Variants in BBX observed in about 807,000 individuals in gnomAD.
The protein encoded by BBX is BBX high mobility group box domain containing.
In BBX, 30 loss-of-function variants were observed where a neutral mutation model predicts 100.2. The ratio of observed to expected loss-of-function variants is 0.30; its 90% CI spans 0.22 to 0.41. The LOEUF is 0.41. Among genes scored for constraint, BBX ranks in the 10% least tolerant of loss-of-function variants. BBX has a pLI of 1.00. For missense variants in BBX, 1,023 were observed against 1,129.8 expected (o/e 0.91, Z 1.35); for synonymous variants, 376 against 388.1 (o/e 0.97, Z 0.37).
chr3:107,544,697 C>T (rs547980064), intron 2 of BBX, among the ~76,000 whole-genome samples: 1 of 151,530 alleles, frequency 6.6e-6, no homozygotes, highest in Non-Finnish European at 1.5e-5. Context: ...ATAGCGAAAC[C>T]CCATCTCTAT....
chr3:107,753,151 C>T (rs2065204817), intron 9 of BBX, among the ~76,000 whole-genome samples: 1 of 152,096 alleles, frequency 6.6e-6, no homozygotes, highest in African/African-American at 2.4e-5. Context: ...AAGGACCCTG[C>T]AATAACAGAA....
At position 107,755,598 on chromosome 3, in the gene BBX, A is replaced by T. The variant is rs757401820; in HGVS notation, c.826A>T (p.Ile276Phe). The T allele has an allele frequency of 9.3e-6, 15 of 1,613,240 alleles. No individual in the cohort carries two copies. The highest frequency in any genetic ancestry group is 1.2e-5 in the Non-Finnish European group (14 of 1,179,284). The change falls in exon 10 of 18, where the codon ATT (isoleucine) becomes TTT (phenylalanine). Residue 276 changes from isoleucine (I) to phenylalanine (F), a missense_variant and splice_region_variant. Around this residue, in one of 9 missense-constraint regions of BBX, gnomAD observed 95 missense variants for 95.1 expected, o/e 1.00. Coordinates refer to ENST00000325805, the MANE Select transcript of BBX (RefSeq NM_001142568.3). The part of the protein sequence containing the change: ...QTSALFQFAE[I>F]SSNTSQLGGA... ...CCTATTTGGATTGTCTTTAATATAG[A>T]TTTCTTCAAACACTTCGCAGTTGGG...
chr3:107,611,105 A>G (rs544299007), intron 2 of BBX, among the ~76,000 whole-genome samples: 17 of 152,288 alleles, frequency 1.1e-4, no homozygotes, highest in African/African-American at 4.1e-4. Flanking sequence ...TAAACAAATA[A>G]GCAAAATGAG....
intron 3 of BBX, among the ~76,000 whole-genome samples, chr3:107,681,640 A>T (rs924719590): frequency 6.6e-6 from 1 of 152,140 alleles, no homozygotes; most frequent in African/African-American, 2.4e-5. Context: ...AGAGTACCGG[A>T]TATTACTGTA....
intron 2 of BBX, among the ~76,000 whole-genome samples, chr3:107,581,038 C>G (rs1237089735): frequency 1.3e-5 from 2 of 152,148 alleles, no homozygotes; most frequent in Non-Finnish European, 2.9e-5. Flanking sequence ...TACCTAATAT[C>G]TGGTCTGAGT....
In BBX at chr3:107,811,106, A is replaced by ATT. The variant is rs2071266925; in HGVS notation, c.*5650_*5651dup. On this transcript the variant is annotated 3_prime_UTR_variant, in exon 18 of 18. Transcript: ENST00000325805. Reference sequence around the variant, plus strand: ...TATACCTAATTTGATATTTCTAAAAATTGCACATGTAAGTCATGTGTATAA... The same window carrying ATT: ...TATACCTAATTTGATATTTCTAAAAATTTTGCACATGTAAGTCATGTGTATAA... 1 of 152,220 alleles carries ATT rather than the reference A, an allele frequency of 6.6e-6. No individual in the cohort carries two copies. Among genetic ancestry groups the ATT allele is most frequent in the Admixed American group, 6.5e-5 (1 of 15,282 alleles). 9.4% of individuals were successfully genotyped at this position (152,220 alleles called of 1,614,324 possible).
rs901309968 is a variant in BBX at position 107,807,237 on chromosome 3, C to T, written c.*1780C>T. 15 of 151,586 alleles carry T rather than the reference C, an allele frequency of 9.9e-5. No individual in the cohort carries two copies. Among genetic ancestry groups the T allele is most frequent in the South Asian group, 8.3e-4 (4 of 4,802 alleles). The allele number at this position is 151,586 out of a possible 1,614,324, so 9.4% of individuals were successfully genotyped here. Reference sequence around the variant, plus strand: ...GCAGGTAAAGAGGGTAGCAAAGCATCGGAATGATGTGCTCAAAAATGCATA... The same window carrying T: ...GCAGGTAAAGAGGGTAGCAAAGCATTGGAATGATGTGCTCAAAAATGCATA... On this transcript the variant is annotated 3_prime_UTR_variant, in exon 18 of 18. Transcript: ENST00000325805.
chr3:107,538,690 G>A (rs554879322), intron 2 of BBX, among the ~76,000 whole-genome samples: 18 of 152,030 alleles, frequency 1.2e-4, no homozygotes, highest in Non-Finnish European at 2.5e-4. Flanking sequence ...AATATTCCCA[G>A]GTCTCTATAT....
Position 107,667,153 on chromosome 3 carries a change from C to A in BBX, c.-10+21244C>A, listed in dbSNP as rs560375199. On this transcript the variant is annotated intron_variant, in intron 3 of 17. Coordinates refer to ENST00000325805, the MANE Select transcript of BBX (RefSeq NM_001142568.3). ...TCAGGAATTCAAGGAGAGAAACATT[C>A]TTTTATGCTTATCAGGGAAAAAATG... Among the ~76,000 whole-genome samples, 13 of 152,302 alleles carry A rather than the reference C, an allele frequency of 8.5e-5. No homozygotes were observed. In the South Asian group the frequency reaches 2.7e-3, roughly 32 times the overall value.
intron 13 of BBX, among the ~76,000 whole-genome samples, chr3:107,786,453 A>G (rs532420032): frequency 3.3e-5 from 5 of 152,294 alleles, no homozygotes; most frequent in Admixed American, 1.3e-4. Context: ...ACAGACATAT[A>G]AATCAGTGGA....
chr3:107,789,525 T>C (rs1349917438), intron 13 of BBX, among the ~76,000 whole-genome samples: 1 of 152,236 alleles, frequency 6.6e-6, no homozygotes, highest in African/African-American at 2.4e-5. Flanking sequence ...CTACTCACTG[T>C]ATCTGCAGTT....
chr3:107,673,454 A>G (rs545606592), intron 3 of BBX, among the ~76,000 whole-genome samples: 112 of 152,166 alleles, frequency 7.4e-4, no homozygotes, highest in African/African-American at 2.5e-3. Flanking sequence ...TAAACCCAGC[A>G]TTTTGGCTTC....
chr3:107,693,049 G>GT (rs2060297780), intron 3 of BBX, among the ~76,000 whole-genome samples: 2 of 144,070 alleles, frequency 1.4e-5, no homozygotes, highest in African/African-American at 2.6e-5. Context: ...GGGGTTGTTT[G>GT]TTTTTTTCTT....
intron 2 of BBX, among the ~76,000 whole-genome samples, chr3:107,535,759 CT>C (rs2048452832): frequency 6.6e-6 from 1 of 152,030 alleles, no homozygotes; most frequent in Non-Finnish European, 1.5e-5. Flanking sequence ...CGCCCGTCTA[CT>C]TTTTGTATTA....
chr3:107,618,554 G>C (rs1424338543), intron 2 of BBX, among the ~76,000 whole-genome samples: 2 of 152,000 alleles, frequency 1.3e-5, no homozygotes, highest in African/African-American at 4.8e-5. Context: ...TCCCGTTTGA[G>C]CATTGCGTTT....
intron 3 of BBX, among the ~76,000 whole-genome samples, chr3:107,660,436 A>G (rs2058384426): frequency 6.7e-6 from 1 of 149,910 alleles, no homozygotes; most frequent in Non-Finnish European, 1.5e-5. Flanking sequence ...CTTTTTGTTC[A>G]CTTCTTAAAT....
rs761609039 is a variant in BBX at position 107,713,340 on chromosome 3, T to C, written c.162+2718T>C. Reference sequence around the variant, plus strand: ...TAGTTTGGGTTGCTTCTAGTTTTACTCTTAAAATTCATGCTGTTGTTAGAA... The same window carrying C: ...TAGTTTGGGTTGCTTCTAGTTTTACCCTTAAAATTCATGCTGTTGTTAGAA... On this transcript the variant is annotated intron_variant, in intron 4 of 17. Transcript: ENST00000325805. Among the ~76,000 whole-genome samples the C allele has an allele frequency of 3.3e-5, 5 of 152,298 alleles. No homozygotes were observed. The South Asian group carries it at 1.0e-3, about 32-fold the overall frequency.
intron 2 of BBX, among the ~76,000 whole-genome samples, chr3:107,596,153 G>GCACACT (rs1195177283): frequency 6.6e-6 from 1 of 152,024 alleles, no homozygotes; most frequent in Non-Finnish European, 1.5e-5. Flanking sequence ...TTTATAGACA[G>GCACACT]CACACTCATC....
intron 2 of BBX, among the ~76,000 whole-genome samples, chr3:107,562,174 G>A (rs2050550233): frequency 6.6e-6 from 1 of 152,118 alleles, no homozygotes; most frequent in Admixed American, 6.5e-5. Context: ...AAACGCAGCT[G>A]TGTTTATTTC....
Sources: allele counts gnomAD v4.1 joint callset (sites outside exome capture counted in the v4.1 genomes callset), GRCh38; gene constraint gnomAD v4.1.1; regional missense constraint gnomAD v4.1.1; transcripts MANE v1.5; gene names NCBI Gene and HGNC (gene_info 2026-07-23, HGNC 2026-07-21).